The following CSMD1 variants were observed in gnomAD, a reference collection of about 807,000 sequenced individuals.
The protein encoded by CSMD1 is CUB and sushi domain-containing protein 1.
In CSMD1, 213 loss-of-function variants were observed where a neutral mutation model predicts 417.5. The ratio of observed to expected loss-of-function variants is 0.51; its 90% CI spans 0.46 to 0.57. CSMD1 has a LOEUF of 0.57. Among genes scored for constraint, CSMD1 ranks in the 20% least tolerant of loss-of-function variants. The pLI is 0.00. For missense variants in CSMD1, 6,923 were observed against 4,529.7 expected (o/e 1.53, Z -15.17); for synonymous variants, 2,862 against 1,736.8 (o/e 1.65, Z -16.11).
chr8:3,514,872 A>T (rs1585286170), intron 10 of CSMD1, among the ~76,000 whole-genome samples: 1 of 152,188 alleles, frequency 6.6e-6, no homozygotes. Context: ...TTAAAAAATC[A>T]GAGAAATAAA....
chr8:4,326,584 T>G (rs1799575782), intron 3 of CSMD1, among the ~76,000 whole-genome samples: 1 of 152,134 alleles, frequency 6.6e-6, no homozygotes, highest in Non-Finnish European at 1.5e-5. Context: ...ATTCCAAACT[T>G]CTTTTTCTCT....
chr8:3,498,952 T>C (rs1271849701), intron 10 of CSMD1, among the ~76,000 whole-genome samples: 2 of 152,230 alleles, frequency 1.3e-5, no homozygotes, highest in South Asian at 2.1e-4. Context: ...GGCGTATCTT[T>C]AACATCATTA....
rs892852210 is a variant in CSMD1 at position 4,052,865 on chromosome 8, A to G, written c.416-20766T>C. On this transcript the variant is annotated intron_variant, in intron 3 of 69. Transcript: ENST00000635120. Reference sequence around the variant, plus strand: ...ACCCCTCTCCATCTCTCATACCACAATGATTCCAATGCAGTAGTCCATAGA... The same window carrying G: ...ACCCCTCTCCATCTCTCATACCACAGTGATTCCAATGCAGTAGTCCATAGA... 3.9e-5 allele frequency among the ~76,000 whole-genome samples: 6 copies of G among 152,154 alleles called. No homozygotes were observed. In the East Asian group the frequency reaches 5.8e-4, roughly 15 times the overall value.
chr8:2,966,102 T>G lies in CSMD1; in HGVS notation c.9101-148A>C. ...TACAGCAATACTACCCTCTGTGTGA[T>G]GATTTCACTGACCCGCTGTCAGAAG... On this transcript the variant is annotated intron_variant, in intron 58 of 69. Coordinates refer to ENST00000635120, the MANE Select transcript of CSMD1 (RefSeq NM_033225.6). The G allele has an allele frequency of 5.9e-6, 4 of 680,698 alleles. No homozygotes were observed. In the South Asian group the frequency reaches 7.6e-5, roughly 13 times the overall value. 42.2% of individuals were successfully genotyped at this position (680,698 alleles called of 1,614,324 possible). A position where few individuals can be genotyped will look rare whatever the true frequency, so the allele number is the denominator to read the frequency against.
intron 3 of CSMD1, among the ~76,000 whole-genome samples, chr8:4,252,825 A>T (rs1384838345): frequency 2.0e-5 from 3 of 152,240 alleles, no homozygotes; most frequent in African/African-American, 7.2e-5. Context: ...AGGATGCACC[A>T]GTGATGACTG....
At chr8:3,225,749 A>G (rs1486603574) in intron 27 of CSMD1, among the ~76,000 whole-genome samples, 1 of 152,240 alleles carries the variant, frequency 6.6e-6, no homozygotes, top group Non-Finnish European at 1.5e-5. Context: ...GTGATTTAAA[A>G]GCTGAAAAAG....
intron 23 of CSMD1, among the ~76,000 whole-genome samples, chr8:3,337,317 CT>C (rs1228972033): frequency 1.3e-5 from 2 of 152,064 alleles, no homozygotes; most frequent in Non-Finnish European, 1.5e-5. Flanking sequence ...TTAATTAAAC[CT>C]TTTTGTATCT....
chr8:3,650,348 G>A (rs910536418), intron 7 of CSMD1, among the ~76,000 whole-genome samples: 1 of 151,996 alleles, frequency 6.6e-6, no homozygotes, highest in Non-Finnish European at 1.5e-5. Context: ...AGGAAGATGA[G>A]TATACCTTTA....
chr8:3,513,254 G>A (rs1048764611), intron 10 of CSMD1, among the ~76,000 whole-genome samples: 13 of 151,664 alleles, frequency 8.6e-5, no homozygotes, highest in Admixed American at 2.0e-4. Context: ...CCCCTATTTG[G>A]AAATTATTTT....
intron 5 of CSMD1, among the ~76,000 whole-genome samples, chr8:3,833,128 CA>C (rs1405350628): frequency 2.3e-4 from 35 of 152,088 alleles, no homozygotes; most frequent in Non-Finnish European, 4.9e-4. Context: ...GGGAGCATGT[CA>C]AACGATCAAC....
chr8:3,974,196 G>T (rs1199854773), intron 5 of CSMD1, among the ~76,000 whole-genome samples: 1 of 152,018 alleles, frequency 6.6e-6, no homozygotes, highest in Non-Finnish European at 1.5e-5. Flanking sequence ...TTAGCTGAAA[G>T]ATCAAAGCCA....
chr8:4,020,908 A>C (rs1255568430), intron 4 of CSMD1, among the ~76,000 whole-genome samples: 2 of 152,216 alleles, frequency 1.3e-5, no homozygotes, highest in Non-Finnish European at 2.9e-5. Context: ...ATGCTTCAGC[A>C]ATTGCTGAAA....
At chr8:4,483,450 C>G (rs1241922588) in intron 2 of CSMD1, among the ~76,000 whole-genome samples, 2 of 152,132 alleles carry the variant, frequency 1.3e-5, no homozygotes, top group African/African-American at 4.8e-5. Context: ...TTAGAAAACC[C>G]CAATGCTTTA....
At chr8:3,846,344 G>T (rs183384039) in intron 5 of CSMD1, among the ~76,000 whole-genome samples, 2 of 152,098 alleles carry the variant, frequency 1.3e-5, no homozygotes, top group Admixed American at 6.6e-5. Flanking sequence ...TATTTACATG[G>T]TCCATAGCTG....
intron 5 of CSMD1, among the ~76,000 whole-genome samples, chr8:3,773,204 A>G (rs1164804476): frequency 2.6e-5 from 4 of 152,202 alleles, no homozygotes; most frequent in Non-Finnish European, 5.9e-5. Flanking sequence ...AGACGATGGC[A>G]TGTACTCACA....
At chr8:2,954,943 G>C (rs764103781) in intron 64 of CSMD1, among the ~76,000 whole-genome samples, 10 of 152,112 alleles carry the variant, frequency 6.6e-5, no homozygotes, top group Non-Finnish European at 1.0e-4. Context: ...CATCATTTTT[G>C]GTTTATGCTG....
At chr8:3,650,058 C>G (rs889208270) in intron 7 of CSMD1, among the ~76,000 whole-genome samples, 1 of 152,104 alleles carries the variant, frequency 6.6e-6, no homozygotes, top group East Asian at 1.9e-4. Flanking sequence ...GCGGGCAGAC[C>G]ACTTGAGGTC....
Position 4,098,539 on chromosome 8 carries a change from G to A in CSMD1, c.416-66440C>T, listed in dbSNP as rs183905401. On this transcript the variant is annotated intron_variant, in intron 3 of 69. Transcript: ENST00000635120. ...GCTGCGAAGTCAACCACAGAGAGCT[G>A]AGAAAGTGGATTCAGTCAGTGGATT... Among the ~76,000 whole-genome samples the A allele has an allele frequency of 2.6e-3, 389 of 152,240 alleles. 1 individual carries two copies. The highest frequency in any genetic ancestry group is 4.1e-3 in the Non-Finnish European group (277 of 68,008).
intron 23 of CSMD1, among the ~76,000 whole-genome samples, chr8:3,324,173 TC>T (rs1806350951): frequency 2.6e-5 from 3 of 116,230 alleles, no homozygotes; most frequent in South Asian, 2.8e-4. Context: ...AGGGGGAGTT[TC>T]CTTCACCCCA....
Sources: gnomAD v4.1 joint callset for allele counts (sites outside exome capture counted in the v4.1 genomes callset) on GRCh38, gnomAD v4.1.1 for gene constraint, MANE v1.5 for transcripts, NCBI Gene and HGNC (gene_info 2026-07-23, HGNC 2026-07-21) for gene names.